ADCY9: variants seen among roughly 807,000 people sequenced by gnomAD.
The protein encoded by ADCY9 is adenylate cyclase 9.
Under a neutral mutation model 101.5 loss-of-function variants are expected in ADCY9, and 50 were observed. The observed-to-expected ratio is 0.49, with a 90% CI of 0.39 to 0.62. The LOEUF (loss-of-function observed/expected upper bound fraction) is 0.62, where lower values mean the gene tolerates loss of function less well. Ranked by LOEUF, ADCY9 falls within the 20% of genes least tolerant of loss-of-function variation. ADCY9 has a pLI of 0.00. For missense variants in ADCY9, 1,662 were observed against 1,800.4 expected (o/e 0.92, Z 1.39); for synonymous variants, 905 against 769.3 (o/e 1.18, Z -2.92).
In ADCY9 at chr16:4,053,246, T is replaced by C. The variant is rs376226639; in HGVS notation, c.1694-45688A>G. On this transcript the variant is annotated intron_variant, in intron 2 of 10. Transcript: ENST00000294016. ...AGCCGCAAGAGACTGTAAATCGCAGTGAAGTGGGCCGTCAGGCAATGATTA... is the reference window on the plus strand; with the variant it reads ...AGCCGCAAGAGACTGTAAATCGCAGCGAAGTGGGCCGTCAGGCAATGATTA... Among the ~76,000 whole-genome samples the C allele has an allele frequency of 7.2e-5, 11 of 152,112 alleles. No homozygotes were observed. In the South Asian group the frequency reaches 2.3e-3, roughly 32 times the overall value.
intron 2 of ADCY9, among the ~76,000 whole-genome samples, chr16:4,034,059 G>C (rs2056573780): frequency 6.6e-6 from 1 of 152,124 alleles, no homozygotes; most frequent in African/African-American, 2.4e-5. Flanking sequence ...TTCAGAAGAG[G>C]TACAGGCCTG....
intron 2 of ADCY9, among the ~76,000 whole-genome samples, chr16:4,113,125 T>C (rs1490109416): frequency 6.6e-6 from 1 of 151,006 alleles, no homozygotes; most frequent in East Asian, 1.9e-4. Flanking sequence ...GATAATAAAA[T>C]ATCCTTAAAC....
rs756453051 is a variant in ADCY9, at chr16:3,977,591, C to T, written c.2719G>A (p.Val907Met). The change falls in exon 9 of 11, where the codon GTG (valine) becomes ATG (methionine). Residue 907 changes from valine (V) to methionine (M), a missense_variant. By Grantham distance (21) the Val-to-Met change is conservative. This residue lies in a region of ADCY9 where 624 missense variants were observed against 639.1 expected (regional missense o/e 0.98). Coordinates refer to ENST00000294016, the MANE Select transcript of ADCY9 (RefSeq NM_001116.4). ...FTGSAALIAV[V>M]HYCNFCQLSS... is the part of the protein sequence containing the mutation. ...AGCTGGCAGAAGTTACAGTAGTGCA[C>T]GACGGCAATCAGCGCGGCCGAGCCT... 4 of 1,612,106 alleles carry T rather than the reference C, an allele frequency of 2.5e-6. No individual in the cohort carries two copies. The highest frequency in any genetic ancestry group is 1.7e-5 in the Admixed American group (1 of 59,848).
At chr16:3,987,524 C>T (rs2283492) in intron 6 of ADCY9, among the ~76,000 whole-genome samples, 30,214 of 152,264 alleles carry the variant, frequency 0.2, 3,647 homozygotes, top group Non-Finnish European at 0.27. Flanking sequence ...AGCTTCCCTA[C>T]AGCATTGCTA....
chr16:3,996,130 G>A (rs2056284805), intron 3 of ADCY9, among the ~76,000 whole-genome samples: 1 of 152,216 alleles, frequency 6.6e-6, no homozygotes, highest in African/African-American at 2.4e-5. Context: ...GGAGGCCGAA[G>A]CAGGAGGACT....
intron 5 of ADCY9, among the ~76,000 whole-genome samples, chr16:3,953,682 A>G (rs1267270946): frequency 6.6e-6 from 1 of 152,222 alleles, no homozygotes; most frequent in African/African-American, 2.4e-5. Context: ...TTCTGTGACT[A>G]GCAAGCTCCC....
intron 10 of ADCY9, among the ~76,000 whole-genome samples, chr16:3,971,030 G>A (rs866202018): frequency 1.3e-5 from 2 of 152,048 alleles, no homozygotes; most frequent in South Asian, 2.1e-4. Flanking sequence ...TGATAAGAGC[G>A]GCTCACACTG....
At chr16:4,082,751 C>T (rs567316599) in intron 2 of ADCY9, among the ~76,000 whole-genome samples, 14 of 152,196 alleles carry the variant, frequency 9.2e-5, no homozygotes, top group South Asian at 4.1e-4. Flanking sequence ...TGGACGCACA[C>T]GCACACACAC....
At chr16:4,035,998 CAAAAAAA>C (rs55792873) in intron 2 of ADCY9, among the ~76,000 whole-genome samples, 594 of 23,156 alleles carry the variant, frequency 0.026, 5 homozygotes, top group African/African-American at 0.091. Context: ...AACTCCATCT[CAAAAAAA>C]AAAAAAAAAA....
At chr16:4,011,807 C>T (rs1278074435) in intron 2 of ADCY9, among the ~76,000 whole-genome samples, 1 of 151,926 alleles carries the variant, frequency 6.6e-6, no homozygotes, top group African/African-American at 2.4e-5. Context: ...TCTCAGTTTC[C>T]TCATCTCTAA....
At chr16:4,031,608 G>C (rs185341706) in intron 2 of ADCY9, among the ~76,000 whole-genome samples, 10 of 152,308 alleles carry the variant, frequency 6.6e-5, no homozygotes, top group African/African-American at 2.2e-4. Context: ...CGAAGGCCAG[G>C]CACAGTAGCT....
At chr16:3,984,682 G>A (rs540057345) in intron 6 of ADCY9, among the ~76,000 whole-genome samples, 216 of 152,364 alleles carry the variant, frequency 1.4e-3, no homozygotes, top group African/African-American at 5.1e-3. Context: ...GGCAGAGGCT[G>A]TGGTTGGGAG....
intron 2 of ADCY9, among the ~76,000 whole-genome samples, chr16:4,012,475 C>CAAA (rs35681254): frequency 0.19 from 26,518 of 138,706 alleles, 2,793 homozygotes; most frequent in East Asian, 0.35. Flanking sequence ...GCAGAAGGTC[C>CAAA]AAAAAAAAAA....
At chr16:4,047,705 C>CA (rs1475899299) in intron 2 of ADCY9, among the ~76,000 whole-genome samples, 1 of 152,134 alleles carries the variant, frequency 6.6e-6, no homozygotes, top group Non-Finnish European at 1.5e-5. Context: ...AATCCATGAC[C>CA]AATCAGGTCC....
At chr16:4,071,490 G>C (rs574697572) in intron 2 of ADCY9, among the ~76,000 whole-genome samples, 1 of 152,130 alleles carries the variant, frequency 6.6e-6, no homozygotes, top group South Asian at 2.1e-4. Flanking sequence ...CACAATTCTT[G>C]CTACATTTGA....
At chr16:4,020,868 G>C (rs142934883) in intron 2 of ADCY9, among the ~76,000 whole-genome samples, 4 of 150,558 alleles carry the variant, frequency 2.7e-5, no homozygotes, top group African/African-American at 9.7e-5. Context: ...TTACTCTATC[G>C]AACAAAATAG....
chr16:4,046,373 G>C (rs2056664970), intron 2 of ADCY9, among the ~76,000 whole-genome samples: 1 of 152,086 alleles, frequency 6.6e-6, no homozygotes, highest in Admixed American at 6.6e-5. Context: ...TCCACGAATG[G>C]GCAGAGTCAC....
chr16:4,090,077 G>C (rs140179259), intron 2 of ADCY9, among the ~76,000 whole-genome samples: 1 of 152,082 alleles, frequency 6.6e-6, no homozygotes, highest in African/African-American at 2.4e-5. Context: ...GCCATTCCAA[G>C]CTCCCCCAAC....
In ADCY9 at chr16:4,114,741, G is replaced by T. The variant is rs1405795399; in HGVS notation, c.702C>A (p.Leu234=). ...FSMCIEVLFL[L]YTVMHLPLYL... is the part of the protein sequence containing the mutation. ...ACAAAGGTAAGTGCATGACGGTATA[G>T]AGCAAAAAGAGCACTTCGATGCACA... Residue 234 remains leucine, a synonymous_variant, in exon 2 of 11, where the codon CTC becomes CTA. Coordinates refer to ENST00000294016, the MANE Select transcript of ADCY9 (RefSeq NM_001116.4). The surrounding 1 kb of genome is among the most constrained non-coding windows in gnomAD (Gnocchi z 4.3). 6.2e-7 allele frequency: 1 copy of T among 1,613,060 alleles called. No homozygotes were observed. Among genetic ancestry groups the T allele is most frequent in the Admixed American group, 1.7e-5 (1 of 60,016 alleles).
Sources: gnomAD v4.1 joint callset for allele counts (sites outside exome capture counted in the v4.1 genomes callset) on GRCh38, gnomAD v4.1.1 for gene constraint, gnomAD v4.1.1 regional missense constraint, Gnocchi (gnomAD v3.1) non-coding constraint, MANE v1.5 for transcripts, NCBI Gene and HGNC (gene_info 2026-07-23, HGNC 2026-07-21) for gene names.